TMCO5A: variants seen among roughly 807,000 people sequenced by gnomAD.
The protein encoded by TMCO5A is transmembrane and coiled-coil domain-containing protein 5A.
Under a neutral mutation model 42.3 loss-of-function variants are expected in TMCO5A, and 34 were observed. The observed-to-expected ratio is 0.80, with a 90% CI of 0.61 to 1.07. The LOEUF is 1.07. Ranked by LOEUF, TMCO5A falls within the 50% of genes least tolerant of loss-of-function variation. The pLI is 0.00. For synonymous variants in TMCO5A, 131 were observed against 115.6 expected, an observed-to-expected ratio of 1.13 and a Z score of -0.86; for missense variants, 357 against 327.9, an observed-to-expected ratio of 1.09 and a Z score of -0.69.
the TMCO5A span, among the ~76,000 whole-genome samples, chr15:38,013,635 A>C: frequency 6.6e-6 from 1 of 152,182 alleles, no homozygotes; most frequent in Non-Finnish European, 1.5e-5. Context: ...TTCTTAATCC[A>C]GTCTATGGAA....
chr15:37,957,105 C>G (rs929870851), intron 11 of TMCO5A, among the ~76,000 whole-genome samples: 1 of 152,094 alleles, frequency 6.6e-6, no homozygotes, highest in Admixed American at 6.6e-5. Flanking sequence ...ATAATGAGAG[C>G]TATTTATGAC....
At chr15:37,997,148 G>A in the TMCO5A span, among the ~76,000 whole-genome samples, 1 of 152,078 alleles carries the variant, frequency 6.6e-6, no homozygotes, top group Non-Finnish European at 1.5e-5. Context: ...GGAGAAAAAC[G>A]ACCTGGGAGA....
the TMCO5A span, among the ~76,000 whole-genome samples, chr15:37,978,119 C>T: frequency 1.3e-5 from 2 of 152,196 alleles, no homozygotes; most frequent in African/African-American, 2.4e-5. Flanking sequence ...CCAACGGGAA[C>T]GGGAACGTTA....
chr15:38,007,956 C>T, the TMCO5A span, among the ~76,000 whole-genome samples: 2 of 125,766 alleles, frequency 1.6e-5, no homozygotes, highest in South Asian at 2.8e-4. Context: ...AGTGCAGTGG[C>T]ACGATCTCGG....
the TMCO5A span, among the ~76,000 whole-genome samples, chr15:38,000,880 C>T: frequency 2.2e-4 from 33 of 152,142 alleles, no homozygotes; most frequent in Admixed American, 8.5e-4. Flanking sequence ...GATATTATTT[C>T]AATTATTTTG....
At chr15:37,948,421 G>T (rs1890040546) in intron 11 of TMCO5A, among the ~76,000 whole-genome samples, 1 of 152,024 alleles carries the variant, frequency 6.6e-6, no homozygotes, top group Non-Finnish European at 1.5e-5. Context: ...GGTGGTTAAA[G>T]GTCAGCTCCA....
At chr15:37,980,334 T>G in the TMCO5A span, among the ~76,000 whole-genome samples, 1 of 152,098 alleles carries the variant, frequency 6.6e-6, no homozygotes, top group African/African-American at 2.4e-5. Flanking sequence ...GGGTCTAAGA[T>G]CCTCAGGAAG....
the TMCO5A span, among the ~76,000 whole-genome samples, chr15:37,976,790 TTTC>T: frequency 4.3e-4 from 59 of 137,244 alleles, no homozygotes; most frequent in Non-Finnish European, 6.9e-4. Flanking sequence ...CTTTTTCTTC[TTTC>T]TTTTTTTTTT....
At chr15:37,974,760 T>C in the TMCO5A span, among the ~76,000 whole-genome samples, 1 of 152,198 alleles carries the variant, frequency 6.6e-6, no homozygotes, top group Non-Finnish European at 1.5e-5. Flanking sequence ...TTGCCTCTGA[T>C]TTTGGTTATT....
chr15:37,951,136 G>C lies in TMCO5A; in HGVS notation c.769G>C (p.Val257Leu), dbSNP rs376993389. ...RFINPDLLVN[V>L]LPKVLGRSTL... ...CATAAATCCAGATCTCCTCGTCAAT[G>C]TACTGCCCAAGGTACTGGGCAGGAG... The change falls in exon 12 of 12, where the codon GTA (valine) becomes CTA (leucine). Residue 257 changes from valine (V) to leucine (L), a missense_variant. Transcript: ENST00000319669. The C allele has an allele frequency of 6.2e-7, 1 of 1,613,588 alleles. No individual in the cohort carries two copies. Among genetic ancestry groups the C allele is most frequent in the African/African-American group, 1.3e-5 (1 of 74,862 alleles).
At chr15:37,998,840 C>G in the TMCO5A span, among the ~76,000 whole-genome samples, 1 of 152,052 alleles carries the variant, frequency 6.6e-6, no homozygotes, top group African/African-American at 2.4e-5. Flanking sequence ...CACGAAATAA[C>G]TTTCCATTTT....
chr15:37,953,570 T>C (rs1192496168), downstream of TMCO5A, among the ~76,000 whole-genome samples: 1 of 152,048 alleles, frequency 6.6e-6, no homozygotes, highest in Non-Finnish European at 1.5e-5. Flanking sequence ...TCCTTTTGAA[T>C]ATCTGGAAGG....
rs372111310 is a variant in TMCO5A, at chr15:37,951,274, G to C, written c.*40G>C. On this transcript the variant is annotated 3_prime_UTR_variant, in exon 12 of 12. Coordinates refer to ENST00000319669, the MANE Select transcript of TMCO5A (RefSeq NM_152453.4). The stretch of plus-strand genomic sequence containing the variant: ...TCCTTGAGCAATAGAAGGGAAGTGG[G>C]ATCCGAGCCTGTAGAAGGGAGGCAT... 6.5e-4 allele frequency: 1,033 copies of C among 1,590,670 alleles called. No homozygotes were observed. Among genetic ancestry groups the C allele is most frequent in the Non-Finnish European group, 7.9e-4 (923 of 1,161,860 alleles).
chr15:38,007,942 C>T, the TMCO5A span, among the ~76,000 whole-genome samples: 3 of 116,286 alleles, frequency 2.6e-5, no homozygotes, highest in East Asian at 5.9e-4. Context: ...GTTGCCCAGG[C>T]TGGAGTGCAG....
the TMCO5A span, among the ~76,000 whole-genome samples, chr15:37,982,067 C>A: frequency 6.6e-6 from 1 of 152,254 alleles, no homozygotes; most frequent in African/African-American, 2.4e-5. Context: ...CTGCTAGATG[C>A]GGAACAGATG....
chr15:37,997,284 T>A, the TMCO5A span, among the ~76,000 whole-genome samples: 1 of 152,262 alleles, frequency 6.6e-6, no homozygotes, highest in Non-Finnish European at 1.5e-5. Flanking sequence ...TTTGTTTTAA[T>A]GTGTAGTTGT....
chr15:37,951,254 G>A lies in TMCO5A; in HGVS notation c.*20G>A. On this transcript the variant is annotated 3_prime_UTR_variant, in exon 12 of 12. Transcript: ENST00000319669. The stretch of plus-strand genomic sequence containing the variant: ...CACTGATTCCCTAAGAAATATCCTT[G>A]AGCAATAGAAGGGAAGTGGGATCCG... 6.2e-7 allele frequency: 1 copy of A among 1,610,218 alleles called. No homozygotes were observed. The highest frequency in any genetic ancestry group is 8.5e-7 in the Non-Finnish European group (1 of 1,177,314).
intron 11 of TMCO5A, among the ~76,000 whole-genome samples, chr15:37,961,168 T>C (rs1208313611): frequency 6.6e-6 from 1 of 152,180 alleles, no homozygotes; most frequent in Non-Finnish European, 1.5e-5. Flanking sequence ...ATTTTTATAG[T>C]TTCAGGTCTT....
chr15:38,002,138 T>G, the TMCO5A span, among the ~76,000 whole-genome samples: 1 of 152,112 alleles, frequency 6.6e-6, no homozygotes, highest in Non-Finnish European at 1.5e-5. Flanking sequence ...TTTGTTTGTC[T>G]GGGAAAGTCT....
Sources: gnomAD v4.1 joint callset for allele counts (sites outside exome capture counted in the v4.1 genomes callset) on GRCh38, gnomAD v4.1.1 for gene constraint, MANE v1.5 for transcripts, NCBI Gene and HGNC (gene_info 2026-07-23, HGNC 2026-07-21) for gene names.